Variants in PIEZO1 observed in about 807,000 individuals in gnomAD.
The protein encoded by PIEZO1 is piezo-type mechanosensitive ion channel component 1.
A neutral mutation model predicts 297.2 loss-of-function variants in PIEZO1; 296 were observed. The observed-to-expected ratio is 1.00, with a 90% confidence interval of 0.91 to 1.10. PIEZO1 has a LOEUF of 1.10. PIEZO1 is among the 50% of genes least tolerant of loss of function. The pLI, the probability that PIEZO1 is intolerant of heterozygous loss-of-function variation, is 0.00. For missense variants in PIEZO1, 5,018 were observed against 3,455.5 expected (o/e 1.45, Z -11.34); for synonymous variants, 2,427 against 1,507.5 (o/e 1.61, Z -14.13).
At position 88,731,821 on chromosome 16, in the gene PIEZO1, G is replaced by T; in HGVS notation, c.3081C>A (p.Thr1027=). The change falls in exon 22 of 51, where the codon ACC becomes ACA. Residue 1027 remains threonine (T), a synonymous_variant. Transcript: ENST00000301015. ...LHGCWLVAIL[T]RRHRQAIARL... ...GGGCAATGGCCTGGCGGTGCCTGCG[G>T]GTGAGGATGGCCACCAGCCAGCAAC... The T allele has an allele frequency of 1.3e-6, 2 of 1,503,476 alleles. No individual in the cohort carries two copies. Among genetic ancestry groups the T allele is most frequent in the East Asian group, 5.5e-5 (2 of 36,054 alleles). The allele number at this position is 1,503,476 out of a possible 1,614,324, so 93.1% of individuals were successfully genotyped here.
intron 10 of PIEZO1, chr16:88,737,175 G>A (rs1017575994): frequency 3.7e-6 from 1 of 267,704 alleles, no homozygotes; most frequent in South Asian, 4.9e-5. Context: ...TCCCAGGCCA[G>A]CCCCTGCCCT....
chr16:88,753,341 C>A (rs900362698), intron 1 of PIEZO1, among the ~76,000 whole-genome samples: 8 of 144,778 alleles, frequency 5.5e-5, no homozygotes, highest in African/African-American at 2.1e-4. Context: ...CCTGCCACCC[C>A]CAGAGCACAC....
intron 2 of PIEZO1, among the ~76,000 whole-genome samples, chr16:88,747,614 G>C (rs1387366592): frequency 6.6e-6 from 1 of 152,216 alleles, no homozygotes; most frequent in Non-Finnish European, 1.5e-5. Context: ...AGGCCGGAGA[G>C]CGACCTTCCA....
chr16:88,716,878 G>A lies in PIEZO1; in HGVS notation c.6681C>T (p.Ala2227=), dbSNP rs1166232248. 1 of 1,549,950 alleles carries A rather than the reference G, an allele frequency of 6.5e-7. No individual in the cohort carries two copies. The highest frequency in any genetic ancestry group is 2.4e-5 in the East Asian group (1 of 40,920). The change falls in exon 46 of 51, where the codon GCC becomes GCT. Residue 2227 remains alanine (A), a synonymous_variant. Coordinates refer to ENST00000301015, the MANE Select transcript of PIEZO1 (RefSeq NM_001142864.4). ...GGYEPLFTMS[A]QQPSIIPFTA... ...TGAAGGGGATGATGGACGGCTGCTG[G>A]GCGCTCATGGTGAACAGCGGCTGGG...
intron 3 of PIEZO1, 68 bp downstream of exon 3, chr16:88,742,232 G>T (rs987589274): frequency 2.0e-6 from 3 of 1,503,294 alleles, no homozygotes; most frequent in East Asian, 2.5e-5. Flanking sequence ...GGAGACTCGG[G>T]GTCACTGCAG....
chr16:88,778,305 G>A (rs539614409), intron 1 of PIEZO1, among the ~76,000 whole-genome samples: 2 of 152,184 alleles, frequency 1.3e-5, no homozygotes, highest in Admixed American at 6.5e-5. Context: ...GAAACCACAG[G>A]GGGTGGCTGA....
intron 1 of PIEZO1, among the ~76,000 whole-genome samples, chr16:88,777,841 C>T (rs1907736401): frequency 6.6e-6 from 1 of 151,998 alleles, no homozygotes. Flanking sequence ...GCAGGCAGCC[C>T]CAAACCCACG....
In PIEZO1 at chr16:88,716,034, G is replaced by A. The variant is rs1478513228; in HGVS notation, c.7215C>T (p.Val2405=). ...CGGTCCGGCACTCCTGCAGCTCGAT[G>A]ACCCACCATTCGAGGAAGCCGGTGG... ...AGATGFLEWW[V]IELQECRTDC... Residue 2405 remains valine (V), a synonymous_variant, in exon 50 of 51, where the codon GTC becomes GTT. Transcript: ENST00000301015. The A allele has an allele frequency of 1.3e-6, 2 of 1,550,120 alleles. No individual in the cohort carries two copies. The highest frequency in any genetic ancestry group is 1.7e-6 in the Non-Finnish European group (2 of 1,146,922).
Position 88,725,461 on chromosome 16 carries a change from G to C in PIEZO1, c.4117C>G (p.Arg1373Gly), listed in dbSNP as rs980052704. The change falls in exon 29 of 51, where the codon CGC (arginine) becomes GGC (glycine). Residue 1373 changes from arginine to glycine, a missense_variant. Arg to Gly is a moderately radical substitution (Grantham distance 125). Coordinates refer to ENST00000301015, the MANE Select transcript of PIEZO1 (RefSeq NM_001142864.4). ...KHRQGRVDRS[R>G]PQDTLGPKDP... Reference sequence around the variant, plus strand: ...TTGGGGCCCAGGGTGTCCTGGGGGCGACTGCGGTCCACCCGGCCCTGCCTG... The same window carrying C: ...TTGGGGCCCAGGGTGTCCTGGGGGCCACTGCGGTCCACCCGGCCCTGCCTG... The C allele has an allele frequency of 1.1e-5, 17 of 1,505,768 alleles. No individual in the cohort carries two copies. Among genetic ancestry groups the C allele is most frequent in the African/African-American group, 2.8e-5 (2 of 71,808 alleles). The allele number at this position is 1,505,768 out of a possible 1,614,324, so 93.3% of individuals were successfully genotyped here.
intron 10 of PIEZO1, chr16:88,737,050 A>G (rs1905268074): frequency 6.9e-6 from 2 of 291,724 alleles, no homozygotes; most frequent in South Asian, 6.6e-5. Flanking sequence ...CCGTGGCTTC[A>G]TTTGCTTCAT....
intron 1 of PIEZO1, among the ~76,000 whole-genome samples, chr16:88,776,247 A>G (rs536217012): frequency 2.0e-5 from 3 of 152,334 alleles, no homozygotes; most frequent in South Asian, 4.1e-4. Context: ...ATCCTGGTTA[A>G]CACGGTGAAA....
chr16:88,738,537 G>A (rs1204557243), intron 6 of PIEZO1, 31 bp downstream of exon 6: 2 of 1,531,002 alleles, frequency 1.3e-6, no homozygotes, highest in Admixed American at 2.0e-5. Context: ...CTCCCAGTGT[G>A]ACTGCCAGTG....
intron 1 of PIEZO1, among the ~76,000 whole-genome samples, chr16:88,759,402 C>T (rs942744705): frequency 1.3e-4 from 20 of 152,220 alleles, no homozygotes; most frequent in African/African-American, 2.7e-4. Flanking sequence ...TACAGGGAGC[C>T]GGGGTCCTGG....
In PIEZO1 at chr16:88,720,245, T is replaced by G; in HGVS notation, c.5988A>C (p.Ser1996=). Residue 1996 remains serine (S), a synonymous_variant, in exon 42 of 51, where the codon TCA becomes TCC. Transcript: ENST00000301015. Reference sequence around the variant, plus strand: ...GGAAAGCCTCGGGTACCTGGTCGTCTGATAGGGAGGACGTGATGTCTGTGG... The same window carrying G: ...GGAAAGCCTCGGGTACCTGGTCGTCGGATAGGGAGGACGTGATGTCTGTGG... ...SAATDITSSL[S]DDQVPEAFLV... 1.3e-6 allele frequency: 2 copies of G among 1,550,516 alleles called. No individual in the cohort carries two copies. The highest frequency in any genetic ancestry group is 1.7e-6 in the Non-Finnish European group (2 of 1,146,972).
intron 2 of PIEZO1, among the ~76,000 whole-genome samples, chr16:88,747,340 A>ATTT (rs1906115407): frequency 6.6e-6 from 1 of 151,976 alleles, no homozygotes; most frequent in African/African-American, 2.4e-5. Context: ...ACATGGTAAA[A>ATTT]CCCCTGTCTC....
At chr16:88,748,515 A>G (rs1162967559) in intron 2 of PIEZO1, among the ~76,000 whole-genome samples, 1 of 150,934 alleles carries the variant, frequency 6.6e-6, no homozygotes, top group Non-Finnish European at 1.5e-5. Context: ...CAAGTGGATC[A>G]AAGTCAACTG....
chr16:88,723,769 G>C, intron 31 of PIEZO1, 102 bp downstream of exon 31: 1 of 665,748 alleles, frequency 1.5e-6, no homozygotes, highest in South Asian at 1.8e-5. Context: ...GGAGGAGCTC[G>C]GCTCCCAGGC....
rs191858056 is a variant in PIEZO1 at position 88,725,753 on chromosome 16, C to T, written c.3969-69G>A. On this transcript the variant is annotated intron_variant, in intron 27 of 50. Coordinates refer to ENST00000301015, the MANE Select transcript of PIEZO1 (RefSeq NM_001142864.4). ...CCCAGCAACATGGGCAGCCGCCGCT[C>T]CCCGCTCAGCCCGGGACAGCTCAGC... 4.9e-4 allele frequency: 397 copies of T among 815,702 alleles called. 6 individuals carry two copies. The Admixed American group carries it at 8.0e-3, about 16-fold the overall frequency. 50.5% of individuals were successfully genotyped at this position (815,702 alleles called of 1,614,324 possible). A position where few individuals can be genotyped will look rare whatever the true frequency, so the allele number is the denominator to read the frequency against.
chr16:88,717,701 GA>G (rs2142753716), intron 44 of PIEZO1: 3 of 439,854 alleles, frequency 6.8e-6, no homozygotes, highest in Admixed American at 2.5e-5. Flanking sequence ...AAATTTAAGA[GA>G]CAGTCCATAG....
Sources: gnomAD v4.1 joint callset for allele counts (sites outside exome capture counted in the v4.1 genomes callset) on GRCh38, gnomAD v4.1.1 for gene constraint, MANE v1.5 for transcripts, NCBI Gene and HGNC (gene_info 2026-07-23, HGNC 2026-07-21) for gene names.